ZNF208: variants seen among roughly 807,000 people sequenced by gnomAD.
ZNF208 encodes zinc finger protein 208.
Under a neutral mutation model 12.1 loss-of-function variants are expected in ZNF208, and 10 were observed. That is an observed-to-expected ratio of 0.83 (90% CI 0.51 to 1.40). The LOEUF is 1.40. Among genes scored for constraint, ZNF208 ranks in the 40% most tolerant of loss-of-function variants. ZNF208 has a pLI of 0.00. For synonymous variants in ZNF208, 497 were observed against 488.4 expected, an observed-to-expected ratio of 1.02 and a Z score of -0.23; for missense variants, 1,652 against 1,485.0, an observed-to-expected ratio of 1.11 and a Z score of -1.85.
Position 21,971,175 on chromosome 19 carries a change from C to G in ZNF208, c.*16G>C. On this transcript the variant is annotated 3_prime_UTR_variant, in exon 4 of 4. Transcript: ENST00000397126. ...GTTGAGGGCCACTTATAGGCTTTGC[C>G]ACATTCTTCACATTTCTAGAGTTTC... The G allele has an allele frequency of 6.2e-7, 1 of 1,612,150 alleles. No individual in the cohort carries two copies. Among genetic ancestry groups the G allele is most frequent in the South Asian group, 1.1e-5 (1 of 90,970 alleles).
In ZNF208 at chr19:21,971,479, T is replaced by C. The variant is rs116542070; in HGVS notation, c.3555A>G (p.Ala1185=). ...GKGFVMFSIL[A]KHKVIHTGEK... ...CTCCAGTATGAATTACCTTATGTTT[T>C]GCAAGGATTGAGAACATAACAAAGC... Residue 1185 remains alanine (A), a synonymous_variant, in exon 4 of 4, where the codon GCA becomes GCG. Transcript: ENST00000397126. The C allele has an allele frequency of 9.9e-4, 1,584 of 1,604,444 alleles. 19 individuals carry two copies. The African/African-American group carries it at 0.02, about 20-fold the overall frequency.
chr19:21,959,160 C>T lies in ZNF208; in HGVS notation c.305+15569G>A, dbSNP rs553643830. Among the ~76,000 whole-genome samples the T allele has an allele frequency of 3.0e-3, 460 of 151,942 alleles. 4 individuals carry two copies. The highest frequency in any genetic ancestry group is 0.011 in the African/African-American group (440 of 41,426). The stretch of plus-strand genomic sequence containing the variant: ...GAGCACTTAAGCATCAAGGACAGGA[C>T]CCTGGATGATGAAAAGTGCATATTT... On this transcript the variant is annotated intron_variant, in intron 4 of 4. Coordinates refer to the ZNF208 transcript ENST00000599916.
At chr19:21,943,856 T>C (rs746121845) in intron 4 of ZNF208, among the ~76,000 whole-genome samples, 1 of 152,170 alleles carries the variant, frequency 6.6e-6, no homozygotes, top group Non-Finnish European at 1.5e-5. Flanking sequence ...GCTAAAAGTA[T>C]TGAGCCAGAA....
intron 1 of ZNF208, 40 bp from the exon 2 acceptor site, chr19:21,988,949 G>A (rs759922322): frequency 1.5e-5 from 24 of 1,605,632 alleles, no homozygotes; most frequent in South Asian, 7.8e-5. Flanking sequence ...ACTGGACATG[G>A]GCAGAATTTT....
rs1002726612 is a variant in ZNF208 at position 21,969,654 on chromosome 19, G to A, written c.*1537C>T. Among the ~76,000 whole-genome samples, 3 of 152,100 alleles carry A rather than the reference G, an allele frequency of 2.0e-5. No homozygotes were observed. The highest frequency in any genetic ancestry group is 4.4e-5 in the Non-Finnish European group (3 of 68,006). On this transcript the variant is annotated 3_prime_UTR_variant, in exon 4 of 4. Coordinates refer to ENST00000397126, the MANE Select transcript of ZNF208 (RefSeq NM_007153.3). ...TCTTCAATATAAATTCCCTGATGTT[G>A]AGCAAAGTTGGAACAACTACCTCAG...
intron 4 of ZNF208, chr19:21,940,494 G>C (rs1278808488): frequency 1.3e-5 from 2 of 152,120 alleles, no homozygotes; most frequent in African/African-American, 4.8e-5. Flanking sequence ...CTTTAGGCGA[G>C]CATAATTTGA....
chr19:21,960,752 A>T (rs1409460292), intron 4 of ZNF208, among the ~76,000 whole-genome samples: 1 of 152,124 alleles, frequency 6.6e-6, no homozygotes, highest in Non-Finnish European at 1.5e-5. Flanking sequence ...TTTGCCTTCC[A>T]CCATGATTGT....
intron 3 of ZNF208, among the ~76,000 whole-genome samples, chr19:21,985,877 C>T (rs939474491): frequency 7.2e-5 from 11 of 152,190 alleles, no homozygotes; most frequent in African/African-American, 2.4e-4. Context: ...ATAAAGCCCA[C>T]CATACGCAGA....
chr19:21,967,677 T>C lies in ZNF208; in HGVS notation c.*3514A>G, dbSNP rs774369414. ...CTGAGATGACAGGCATGAGCCACCA[T>C]GCTTGGCCCAGATTTATTCTTTTAG... On this transcript the variant is annotated 3_prime_UTR_variant, in exon 4 of 4. Transcript: ENST00000397126. The C allele has an allele frequency of 6.6e-5, 10 of 152,160 alleles. No individual in the cohort carries two copies. The highest frequency in any genetic ancestry group is 1.5e-4 in the Non-Finnish European group (10 of 68,012). The allele number at this position is 152,160 out of a possible 1,614,324, so 9.4% of individuals were successfully genotyped here.
At chr19:21,952,143 G>A (rs371961809) in intron 4 of ZNF208, among the ~76,000 whole-genome samples, 53 of 152,348 alleles carry the variant, frequency 3.5e-4, no homozygotes, top group African/African-American at 8.2e-4. Flanking sequence ...CGAAGTGGCC[G>A]GGAAGCTTGA....
At chr19:21,962,611 C>A (rs1970092215), downstream of ZNF208, among the ~76,000 whole-genome samples, 1 of 152,028 alleles carries the variant, frequency 6.6e-6, no homozygotes, top group African/African-American at 2.4e-5. Context: ...GCAAAGAAGA[C>A]ACATTTGCTT....
intron 4 of ZNF208, among the ~76,000 whole-genome samples, chr19:21,942,457 G>C (rs1402650947): frequency 6.6e-6 from 1 of 152,098 alleles, no homozygotes; most frequent in Non-Finnish European, 1.5e-5. Flanking sequence ...ATTGATTGAT[G>C]ATGGGTAAAC....
At chr19:22,000,000 G>A (rs1361841203) in intron 1 of ZNF208, among the ~76,000 whole-genome samples, 4 of 152,070 alleles carry the variant, frequency 2.6e-5, no homozygotes, top group Admixed American at 2.0e-4. Context: ...GAATGTTTAT[G>A]GGGGGAAAAG....
chr19:21,944,255 A>C (rs1412543001), intron 4 of ZNF208, among the ~76,000 whole-genome samples: 1 of 152,206 alleles, frequency 6.6e-6, no homozygotes. Context: ...TACCCCAACC[A>C]GTCCATGCCT....
In ZNF208 at chr19:21,971,710, A is replaced by G. The variant is rs1214921938; in HGVS notation, c.3324T>C (p.Thr1108=). The G allele has an allele frequency of 1.9e-6, 3 of 1,613,962 alleles. No homozygotes were observed. The highest frequency in any genetic ancestry group is 2.5e-6 in the Non-Finnish European group (3 of 1,179,986). Residue 1108 remains threonine, a synonymous_variant, in exon 4 of 4, where the codon ACT becomes ACC. Transcript: ENST00000397126. ...SNLMEHKRIH[T]GEKPYKCEEC... The stretch of plus-strand genomic sequence containing the variant: ...CTTCACATTTGTAGGGTTTCTCTCC[A>G]GTATGAATTCTCTTATGTTCCATAA...
chr19:21,987,877 C>T (rs1970654558), intron 2 of ZNF208, among the ~76,000 whole-genome samples: 1 of 152,142 alleles, frequency 6.6e-6, no homozygotes, highest in Admixed American at 6.5e-5. Flanking sequence ...GAGACCAGAA[C>T]TTGATGCCTT....
At chr19:21,992,135 A>T (rs1970750848) in intron 1 of ZNF208, among the ~76,000 whole-genome samples, 1 of 152,258 alleles carries the variant, frequency 6.6e-6, no homozygotes, top group South Asian at 2.1e-4. Context: ...GTGTTGGTTT[A>T]TTCACATCAG....
rs1326724403 is a variant in ZNF208 at position 21,966,947 on chromosome 19, T to C, written c.*4244A>G. 2 of 152,312 alleles carry C rather than the reference T, an allele frequency of 1.3e-5. No individual in the cohort carries two copies. The highest frequency in any genetic ancestry group is 1.9e-4 in the East Asian group (1 of 5,184). The allele number at this position is 152,312 out of a possible 1,614,324, so 9.4% of individuals were successfully genotyped here. A position where few individuals can be genotyped will look rare whatever the true frequency, so the allele number is the denominator to read the frequency against. On this transcript the variant is annotated 3_prime_UTR_variant, in exon 4 of 4. Transcript: ENST00000397126. ...ATATCATGTTTGCTTTTTTATTAAA[T>C]GTATTATAGATTCTGTACATTAATC... is the stretch of plus-strand genomic sequence containing the variant.
At chr19:21,975,813 A>G (rs1599618482) in intron 3 of ZNF208, among the ~76,000 whole-genome samples, 1 of 134,024 alleles carries the variant, frequency 7.5e-6, no homozygotes, top group East Asian at 2.4e-4. Context: ...TGTGTGATAT[A>G]GTCAAAGTCC....
Sources: gnomAD v4.1 joint callset for allele counts (sites outside exome capture counted in the v4.1 genomes callset) on GRCh38, gnomAD v4.1.1 for gene constraint, MANE v1.5 for transcripts, NCBI Gene and HGNC (gene_info 2026-07-23, HGNC 2026-07-21) for gene names.